SLC23A2: variants seen among roughly 807,000 people sequenced by gnomAD.
The protein encoded by SLC23A2 is solute carrier family 23 member 2, also known as Na(+)/L-ascorbic acid transporter 2.
Under a neutral mutation model 73.3 loss-of-function variants are expected in SLC23A2, and 36 were observed. The observed-to-expected ratio is 0.49, with a 90% CI of 0.38 to 0.65. SLC23A2 has a LOEUF of 0.65. SLC23A2 is among the 30% of genes least tolerant of loss of function. The pLI, the probability that SLC23A2 is intolerant of heterozygous loss-of-function variation, is 0.00. For synonymous variants in SLC23A2, 343 were observed against 327.3 expected (o/e 1.05, Z -0.52); for missense variants, 507 against 841.6 (o/e 0.60, Z 4.92).
intron 1 of SLC23A2, among the ~76,000 whole-genome samples, chr20:4,979,065 C>T (rs777685075): frequency 3.3e-5 from 5 of 152,020 alleles, no homozygotes; most frequent in East Asian, 1.9e-4. Flanking sequence ...GAGGCTGAGG[C>T]GGGCAGATCA....
intron 1 of SLC23A2, among the ~76,000 whole-genome samples, chr20:4,994,134 A>G (rs2087977971): frequency 6.6e-6 from 1 of 152,158 alleles, no homozygotes; most frequent in Non-Finnish European, 1.5e-5. Context: ...CACTGACCAC[A>G]TATACCTTAC....
Position 4,882,361 on chromosome 20 carries a change from C to T in SLC23A2, c.824+1281G>A, listed in dbSNP as rs147818083. The stretch of plus-strand genomic sequence containing the variant: ...CTGCACTCCAGCCTGGGCAACAGAG[C>T]GAGACTCCATTGCAAAAAAAGAACA... On this transcript the variant is annotated intron_variant, in intron 9 of 16. Coordinates refer to ENST00000338244, the MANE Select transcript of SLC23A2 (RefSeq NM_005116.6). Among the ~76,000 whole-genome samples the T allele has an allele frequency of 4.7e-3, 708 of 151,788 alleles. 25 individuals are homozygous for T. In the East Asian group the frequency reaches 0.092, roughly 20 times the overall value.
chr20:4,857,309 C>CAT lies in SLC23A2; in HGVS notation c.1721-106_1721-105insAT. The CAT allele has an allele frequency of 1.7e-6, 1 of 594,204 alleles. No homozygotes were observed. Among genetic ancestry groups the CAT allele is most frequent in the Non-Finnish European group, 3.0e-6 (1 of 336,508 alleles). 36.8% of individuals were successfully genotyped at this position (594,204 alleles called of 1,614,324 possible). ...ACACACACACACACACACACACACA[C>CAT]ACACACACACACACACACACACACA... On this transcript the variant is annotated intron_variant, in intron 16 of 16. Coordinates refer to ENST00000338244, the MANE Select transcript of SLC23A2 (RefSeq NM_005116.6). This position sits in a 1 kb window ranked among gnomAD's most constrained non-coding sequence, Gnocchi z 4.0.
intron 1 of SLC23A2, among the ~76,000 whole-genome samples, chr20:5,008,834 T>A (rs1302224363): frequency 2.0e-5 from 3 of 152,166 alleles, no homozygotes; most frequent in African/African-American, 7.2e-5. Flanking sequence ...CCCAAAGTGC[T>A]GGGATTGCAG....
chr20:4,989,038 A>G (rs2087879913), intron 1 of SLC23A2, among the ~76,000 whole-genome samples: 1 of 151,998 alleles, frequency 6.6e-6, no homozygotes, highest in Non-Finnish European at 1.5e-5. Context: ...AGGGAGTTCG[A>G]GACCAGCCTG....
At chr20:4,971,525 T>C (rs979570557) in intron 1 of SLC23A2, among the ~76,000 whole-genome samples, 1 of 149,062 alleles carries the variant, frequency 6.7e-6, no homozygotes, top group African/African-American at 2.5e-5. Context: ...CCAGGCACGG[T>C]GGTTCACACC....
Position 4,899,225 on chromosome 20 carries a change from T to A in SLC23A2, c.482+330A>T, listed in dbSNP as rs1354025612. Among the ~76,000 whole-genome samples the A allele has an allele frequency of 2.0e-5, 3 of 152,050 alleles. No individual in the cohort carries two copies. The highest frequency in any genetic ancestry group is 2.9e-5 in the Non-Finnish European group (2 of 67,990). Reference sequence around the variant, plus strand: ...GAGGCAGGGAAGCCAACGGGGAGCCTGGTGGGACACTCTGGTCTGAACGTA... The same window carrying A: ...GAGGCAGGGAAGCCAACGGGGAGCCAGGTGGGACACTCTGGTCTGAACGTA... On this transcript the variant is annotated intron_variant, in intron 6 of 16. Transcript: ENST00000338244. The surrounding 1 kb of genome is among the most constrained non-coding windows in gnomAD (Gnocchi z 4.9).
intron 4 of SLC23A2, among the ~76,000 whole-genome samples, chr20:4,910,143 C>T (rs574877006): frequency 6.6e-5 from 10 of 152,064 alleles, no homozygotes; most frequent in African/African-American, 2.2e-4. Flanking sequence ...GAGGCCAAGG[C>T]GGATAAATCA....
chr20:4,954,195 G>A (rs2087246879), intron 2 of SLC23A2, among the ~76,000 whole-genome samples: 1 of 152,120 alleles, frequency 6.6e-6, no homozygotes, highest in African/African-American at 2.4e-5. Flanking sequence ...GATAGGGGTA[G>A]GGAGGATATA....
chr20:4,983,202 T>C (rs185839683), intron 1 of SLC23A2, among the ~76,000 whole-genome samples: 2 of 152,196 alleles, frequency 1.3e-5, no homozygotes, highest in African/African-American at 4.8e-5. Flanking sequence ...GCTAAAACTA[T>C]AAAATTCTTA....
At chr20:4,911,363 T>A (rs954020933) in intron 4 of SLC23A2, among the ~76,000 whole-genome samples, 1 of 152,154 alleles carries the variant, frequency 6.6e-6, no homozygotes, top group African/African-American at 2.4e-5. Context: ...GAGGCAAAAA[T>A]GAAATTTCCA....
At chr20:4,999,075 G>A (rs556424568) in intron 1 of SLC23A2, among the ~76,000 whole-genome samples, 23 of 152,164 alleles carry the variant, frequency 1.5e-4, no homozygotes, top group Non-Finnish European at 2.2e-4. Flanking sequence ...AAAGTGCTGC[G>A]ATTACAGGCA....
chr20:4,910,733 G>A (rs1373223603), intron 4 of SLC23A2, among the ~76,000 whole-genome samples: 1 of 152,158 alleles, frequency 6.6e-6, no homozygotes, highest in African/African-American at 2.4e-5. Context: ...ACCACGCCCA[G>A]CCCAACTAGC....
rs186260952 is a variant in SLC23A2, at chr20:4,926,188, C to T, written c.108+6267G>A. ...GACTAAACCTCATAAAGTTACTCGTCGGTCCATGCCGCTAATATCTCCAGA... is the reference window on the plus strand; with the variant it reads ...GACTAAACCTCATAAAGTTACTCGTTGGTCCATGCCGCTAATATCTCCAGA... On this transcript the variant is annotated intron_variant, in intron 3 of 16. Transcript: ENST00000338244. 1.7e-4 allele frequency among the ~76,000 whole-genome samples: 26 copies of T among 152,138 alleles called. No individual in the cohort carries two copies. The East Asian group carries it at 4.6e-3, about 27-fold the overall frequency.
intron 2 of SLC23A2, among the ~76,000 whole-genome samples, chr20:4,960,317 A>C (rs2087360698): frequency 6.6e-6 from 1 of 152,226 alleles, no homozygotes; most frequent in South Asian, 2.1e-4. Flanking sequence ...CAGAGAAGAA[A>C]ATTGGTTCAA....
rs559346453 is a variant in SLC23A2 at position 4,883,150 on chromosome 20, C to A, written c.824+492G>T. On this transcript the variant is annotated intron_variant, in intron 9 of 16. Coordinates refer to ENST00000338244, the MANE Select transcript of SLC23A2 (RefSeq NM_005116.6). The surrounding 1 kb of genome is among the most constrained non-coding windows in gnomAD (Gnocchi z 4.5). ...GACCCTGGCAGAAACTATGTCCCTC[C>A]CCCAACCACCCACCCGTCAGGAGTG... Among the ~76,000 whole-genome samples the A allele has an allele frequency of 6.6e-6, 1 of 152,302 alleles. No homozygotes were observed. The highest frequency in any genetic ancestry group is 1.9e-4 in the East Asian group (1 of 5,188).
intron 6 of SLC23A2, among the ~76,000 whole-genome samples, chr20:4,896,697 C>T (rs758224304): frequency 6.6e-6 from 1 of 152,180 alleles, no homozygotes; most frequent in Non-Finnish European, 1.5e-5. Flanking sequence ...CTTGCCTAGG[C>T]CCCCATCACC....
rs1429933635 is a variant in SLC23A2 at position 4,883,060 on chromosome 20, A to G, written c.824+582T>C. ...TTAACACAAAATGTTAACTTTACTT[A>G]AAGGGCAAGGGACATCTTTAATGGA... On this transcript the variant is annotated intron_variant, in intron 9 of 16. Coordinates refer to ENST00000338244, the MANE Select transcript of SLC23A2 (RefSeq NM_005116.6). This position sits in a 1 kb window ranked among gnomAD's most constrained non-coding sequence, Gnocchi z 4.5. 3.3e-5 allele frequency among the ~76,000 whole-genome samples: 5 copies of G among 150,254 alleles called. No individual in the cohort carries two copies.
At chr20:4,975,243 T>C (rs2087624998) in intron 1 of SLC23A2, among the ~76,000 whole-genome samples, 2 of 152,182 alleles carry the variant, frequency 1.3e-5, no homozygotes, top group Non-Finnish European at 1.5e-5. Context: ...TCCCAATTCC[T>C]TCTGGGAATG....
Sources: allele counts gnomAD v4.1 joint callset (sites outside exome capture counted in the v4.1 genomes callset), GRCh38; gene constraint gnomAD v4.1.1; non-coding constraint Gnocchi (gnomAD v3.1); transcripts MANE v1.5; gene names NCBI Gene and HGNC (gene_info 2026-07-23, HGNC 2026-07-21).